Variants in NUDCD1 observed in about 807,000 individuals in gnomAD.
NUDCD1 encodes the protein NudC domain containing 1.
Under a neutral mutation model 67.8 loss-of-function variants are expected in NUDCD1, and 60 were observed. That is an observed-to-expected ratio of 0.88 (90% CI 0.72 to 1.10). The LOEUF is 1.10. NUDCD1 is among the 50% of genes least tolerant of loss of function. The pLI is 0.00. For synonymous variants in NUDCD1, 244 were observed against 230.8 expected (o/e 1.06, Z -0.52); for missense variants, 643 against 695.0 (o/e 0.93, Z 0.84).
At chr8:109,293,579 T>C (rs1003925959) in intron 3 of NUDCD1, 55 bp from the exon 4 acceptor site, 2 of 937,170 alleles carry the variant, frequency 2.1e-6, no homozygotes. Context: ...TGAACACAGA[T>C]AGCATAGAGG....
chr8:109,285,043 TCA>T (rs1814542677), intron 5 of NUDCD1, among the ~76,000 whole-genome samples: 1 of 150,112 alleles, frequency 6.7e-6, no homozygotes, highest in South Asian at 2.1e-4. Flanking sequence ...AAGCCCTGTA[TCA>T]CACAAACTAG....
chr8:109,277,466 A>AG (rs1005205501), intron 6 of NUDCD1, among the ~76,000 whole-genome samples: 64 of 150,882 alleles, frequency 4.2e-4, no homozygotes, highest in African/African-American at 1.4e-3. Context: ...CATCCAAGCA[A>AG]AAAAAAAACC....
Position 109,322,364 on chromosome 8 carries a change from T to C in NUDCD1, c.218A>G (p.Asp73Gly). 1 of 1,590,576 alleles carries C rather than the reference T, an allele frequency of 6.3e-7. No individual in the cohort carries two copies. Among genetic ancestry groups the C allele is most frequent in the African/African-American group, 1.3e-5 (1 of 74,616 alleles). The change falls in exon 2 of 10, where the codon GAC becomes GGC. Residue 73 changes from aspartate (D) to glycine (G), a missense_variant. Asp to Gly is a moderately conservative substitution (Grantham distance 94). Transcript: ENST00000239690. Reference sequence around the variant, plus strand: ...AAGGGTATCAATATAGTAGACACTGTCTTGATACCATGAATCACAGTGCAG... The same window carrying C: ...AAGGGTATCAATATAGTAGACACTGCCTTGATACCATGAATCACAGTGCAG... ...NYLHCDSWYQ[D>G]SVYYIDTLGR...
chr8:109,307,864 A>T (rs183684859), intron 2 of NUDCD1, among the ~76,000 whole-genome samples: 2 of 152,366 alleles, frequency 1.3e-5, no homozygotes, highest in East Asian at 3.8e-4. Context: ...AACAGCAGTT[A>T]AAAAAGGCAA....
rs1563681331 is a variant in NUDCD1, at chr8:109,311,556, G to GAT, written c.273+10752_273+10753insAT. Among the ~76,000 whole-genome samples the GAT allele has an allele frequency of 7.4e-5, 4 of 54,000 alleles. 1 individual carries two copies. The highest frequency in any genetic ancestry group is 5.0e-4 in the African/African-American group (4 of 7,936). 35.4% of individuals were successfully genotyped at this position (54,000 alleles called of 152,430 possible). ...ATCAATGAGTGGATAAAGAAACTGT[G>GAT]GTGTATATATATATATGATGGGATA... On this transcript the variant is annotated intron_variant, in intron 2 of 9. Transcript: ENST00000239690.
At chr8:109,264,687 G>A (rs1813951530) in intron 8 of NUDCD1, among the ~76,000 whole-genome samples, 1 of 152,074 alleles carries the variant, frequency 6.6e-6, no homozygotes, top group East Asian at 1.9e-4. Flanking sequence ...TGATAATTAA[G>A]TATCCCTTTC....
intron 2 of NUDCD1, among the ~76,000 whole-genome samples, chr8:109,311,174 A>T (rs372596540): frequency 8.5e-5 from 13 of 152,280 alleles, no homozygotes; most frequent in African/African-American, 3.1e-4. Context: ...GAAAAACTCA[A>T]CATCACTAAT....
intron 2 of NUDCD1, among the ~76,000 whole-genome samples, chr8:109,309,122 C>G (rs1586298861): frequency 6.6e-6 from 1 of 152,152 alleles, no homozygotes; most frequent in Admixed American, 6.6e-5. Flanking sequence ...AAGCCAGTAT[C>G]ACCCTATTAC....
chr8:109,262,992 T>G (rs1813901407), intron 8 of NUDCD1, among the ~76,000 whole-genome samples: 1 of 137,858 alleles, frequency 7.3e-6, no homozygotes, highest in Non-Finnish European at 1.5e-5. Context: ...GAGGCAAAGG[T>G]TGCAGTGAGC....
intron 8 of NUDCD1, among the ~76,000 whole-genome samples, chr8:109,254,751 G>A (rs1813692842): frequency 6.6e-6 from 1 of 152,058 alleles, no homozygotes; most frequent in Non-Finnish European, 1.5e-5. Context: ...AAATGTCAAA[G>A]TGAAGACATT....
chr8:109,292,913 T>C (rs890576752), intron 4 of NUDCD1, among the ~76,000 whole-genome samples: 1 of 152,102 alleles, frequency 6.6e-6, no homozygotes, highest in African/African-American at 2.4e-5. Context: ...AAAGAAATCA[T>C]ACCTGTACTT....
At chr8:109,312,324 C>G (rs980452052) in intron 2 of NUDCD1, among the ~76,000 whole-genome samples, 1 of 143,664 alleles carries the variant, frequency 7.0e-6, no homozygotes, top group Non-Finnish European at 1.5e-5. Flanking sequence ...AAAAAAAGCC[C>G]CAAATCACTG....
At chr8:109,289,526 A>T (rs2926269) in intron 5 of NUDCD1, among the ~76,000 whole-genome samples, 97,071 of 151,956 alleles carry the variant, frequency 0.64, 32,515 homozygotes, top group African/African-American at 0.85. Context: ...ACGATTTTTT[A>T]AAAAAACATT....
At chr8:109,292,973 A>G (rs1814743098) in intron 4 of NUDCD1, among the ~76,000 whole-genome samples, 1 of 152,082 alleles carries the variant, frequency 6.6e-6, no homozygotes, top group South Asian at 2.1e-4. Flanking sequence ...ATTTATTTAC[A>G]TTTAAATTAT....
At chr8:109,332,457 G>A (rs1315564009) in intron 1 of NUDCD1, among the ~76,000 whole-genome samples, 5 of 152,168 alleles carry the variant, frequency 3.3e-5, no homozygotes, top group African/African-American at 7.2e-5. Flanking sequence ...GAGACCACAC[G>A]GAGAAAAGTC....
chr8:109,271,199 TA>T, intron 7 of NUDCD1, 69 bp from the exon 8 acceptor site: 1 of 1,104,792 alleles, frequency 9.1e-7, no homozygotes, highest in African/African-American at 1.6e-5. Context: ...TCTTCATCTT[TA>T]AAAATTTTAA....
chr8:109,275,447 G>C lies in NUDCD1; in HGVS notation c.1078C>G (p.Leu360Val). ...KKNEGLTWPE[L>V]VIGDKQGELI... The stretch of plus-strand genomic sequence containing the variant: ...TCCCCTTGTTTATCTCCAATTACTA[G>C]CTCTGGCCAGGTCAGTCCTTCATTC... Residue 360 changes from leucine to valine, a missense_variant, in exon 7 of 10, where the codon CTA becomes GTA. Coordinates refer to ENST00000239690, the MANE Select transcript of NUDCD1 (RefSeq NM_032869.4). 4 of 1,613,432 alleles carry C rather than the reference G, an allele frequency of 2.5e-6. No individual in the cohort carries two copies. The highest frequency in any genetic ancestry group is 3.4e-6 in the Non-Finnish European group (4 of 1,179,488).
At chr8:109,255,676 C>T (rs1427946450) in intron 8 of NUDCD1, among the ~76,000 whole-genome samples, 3 of 94,824 alleles carry the variant, frequency 3.2e-5, no homozygotes, top group African/African-American at 1.3e-4. Flanking sequence ...AAGTTCCACA[C>T]AGAAAAAAAA....
rs1013887431 is a variant in NUDCD1 at position 109,334,066 on chromosome 8, C to G, written c.-56G>C. 1.9e-6 allele frequency: 3 copies of G among 1,609,068 alleles called. No individual in the cohort carries two copies. The highest frequency in any genetic ancestry group is 2.5e-6 in the Non-Finnish European group (3 of 1,177,056). ...TAAAGCCCTTGTTGAAAGGTCCGCG[C>G]TTCACGCCTCGCACAGAGACTGGGA... On this transcript the variant is annotated 5_prime_UTR_variant, in exon 1 of 10. Transcript: ENST00000239690.
Sources: gnomAD v4.1 joint callset for allele counts (sites outside exome capture counted in the v4.1 genomes callset) on GRCh38, gnomAD v4.1.1 for gene constraint, MANE v1.5 for transcripts, NCBI Gene and HGNC (gene_info 2026-07-23, HGNC 2026-07-21) for gene names.